The following PAK2 variants were observed in gnomAD, a reference collection of about 807,000 sequenced individuals.
PAK2 encodes serine/threonine-protein kinase PAK 2.
Under a neutral mutation model 65.9 loss-of-function variants are expected in PAK2, and 21 were observed. The ratio of observed to expected loss-of-function variants is 0.32; its 90% CI spans 0.23 to 0.46. The LOEUF (loss-of-function observed/expected upper bound fraction) is 0.46, where lower values mean the gene tolerates loss of function less well. PAK2 is among the 20% of genes least tolerant of loss of function. The pLI is 1.00. For synonymous variants in PAK2, 204 were observed against 219.7 expected (o/e 0.93, Z 0.63); for missense variants, 324 against 642.6 (o/e 0.50, Z 5.36).
In PAK2 at chr3:196,801,671, A is replaced by G. The variant is rs574691624; in HGVS notation, c.188-256A>G. ...AACATGATGAAACCCTGTCTCTACT[A>G]AAAATACAAAAATTAGCCGGGCATG... On this transcript the variant is annotated intron_variant, in intron 2 of 14. Coordinates refer to ENST00000327134, the MANE Select transcript of PAK2 (RefSeq NM_002577.4). 1.6e-4 allele frequency among the ~76,000 whole-genome samples: 24 copies of G among 151,984 alleles called. No homozygotes were observed. The East Asian group carries it at 2.9e-3, about 18-fold the overall frequency.
intron 1 of PAK2, among the ~76,000 whole-genome samples, chr3:196,743,874 T>TC (rs1713286282): frequency 6.6e-6 from 1 of 151,750 alleles, no homozygotes; most frequent in African/African-American, 2.4e-5. Context: ...AGAGTGAGAC[T>TC]CCGTCTCAAA....
chr3:196,818,231 A>G, intron 12 of PAK2, 75 bp downstream of exon 12: 1 of 668,936 alleles, frequency 1.5e-6, no homozygotes, highest in Middle Eastern at 2.5e-4. Flanking sequence ...ACTTTTCTTG[A>G]CCAATGCAAG....
rs377741026 is a variant in PAK2 at position 196,826,495 on chromosome 3, T to G, written c.1351-701T>G. On this transcript the variant is annotated intron_variant, in intron 13 of 14. Transcript: ENST00000327134. Reference sequence around the variant, plus strand: ...CCTTGGTTTTTTTTTGTTTTGTTTTTTGTTTTTTAAGTTTTAACAAATCTC... The same window carrying G: ...CCTTGGTTTTTTTTTGTTTTGTTTTGTGTTTTTTAAGTTTTAACAAATCTC... 3.3e-5 allele frequency among the ~76,000 whole-genome samples: 5 copies of G among 152,246 alleles called. No individual in the cohort carries two copies. The South Asian group carries it at 1.0e-3, about 32-fold the overall frequency.
Position 196,820,650 on chromosome 3 carries a change from A to G in PAK2, c.1350+83A>G. On this transcript the variant is annotated intron_variant, in intron 13 of 14. Transcript: ENST00000327134. This position sits in a 1 kb window ranked among gnomAD's most constrained non-coding sequence, Gnocchi z 4.6. Reference sequence around the variant, plus strand: ...AACTTGCACGTGCCTGGCACTGTCCAAGAATTTAAAGTAGAAGGTTGATAA... The same window carrying G: ...AACTTGCACGTGCCTGGCACTGTCCGAGAATTTAAAGTAGAAGGTTGATAA... 1 of 672,472 alleles carries G rather than the reference A, an allele frequency of 1.5e-6. No individual in the cohort carries two copies. Among genetic ancestry groups the G allele is most frequent in the Non-Finnish European group, 2.5e-6 (1 of 406,360 alleles). The allele number at this position is 672,472 out of a possible 1,614,324, so 41.7% of individuals were successfully genotyped here. A position where few individuals can be genotyped will look rare whatever the true frequency, so the allele number is the denominator to read the frequency against.
chr3:196,800,644 C>A (rs1484569752), intron 2 of PAK2, among the ~76,000 whole-genome samples: 1 of 152,120 alleles, frequency 6.6e-6, no homozygotes, highest in Non-Finnish European at 1.5e-5. Context: ...TAAAGGCAGA[C>A]AAACAGATAA....
At chr3:196,826,211 GC>G (rs1375494633) in intron 13 of PAK2, among the ~76,000 whole-genome samples, 1 of 150,708 alleles carries the variant, frequency 6.6e-6, no homozygotes, top group Admixed American at 6.6e-5. Flanking sequence ...TCGCTCTGTC[GC>G]CCAGGCTGGA....
At chr3:196,827,706 A>G (rs1415982313) in intron 14 of PAK2, among the ~76,000 whole-genome samples, 1 of 152,148 alleles carries the variant, frequency 6.6e-6, no homozygotes, top group Non-Finnish European at 1.5e-5. Context: ...TACATATGTA[A>G]CAAACCTGCA....
rs562940468 is a variant in PAK2 at position 196,831,641 on chromosome 3, A to T, written c.*3236A>T. 1 of 152,344 alleles carries T rather than the reference A, an allele frequency of 6.6e-6. No individual in the cohort carries two copies. The highest frequency in any genetic ancestry group is 1.5e-5 in the Non-Finnish European group (1 of 68,030). The allele number at this position is 152,344 out of a possible 1,614,324, so 9.4% of individuals were successfully genotyped here. Reference sequence around the variant, plus strand: ...CCTATGAGTATTTCTTTTAGGGCTCACTTAAATACATGTTTGTATATACTG... The same window carrying T: ...CCTATGAGTATTTCTTTTAGGGCTCTCTTAAATACATGTTTGTATATACTG... On this transcript the variant is annotated 3_prime_UTR_variant, in exon 15 of 15. Coordinates refer to ENST00000327134, the MANE Select transcript of PAK2 (RefSeq NM_002577.4).
intron 13 of PAK2, among the ~76,000 whole-genome samples, chr3:196,826,542 G>T (rs1038786777): frequency 3.3e-5 from 5 of 151,262 alleles, no homozygotes; most frequent in African/African-American, 1.2e-4. Flanking sequence ...TGATATGTAT[G>T]ACTTGAAAAA....
rs146583838 is a variant in PAK2 at position 196,813,598 on chromosome 3, A to G, written c.935+747A>G. Among the ~76,000 whole-genome samples, 615 of 152,292 alleles carry G rather than the reference A, an allele frequency of 4.0e-3. 3 individuals carry two copies. The highest frequency in any genetic ancestry group is 5.7e-3 in the Non-Finnish European group (388 of 68,026). On this transcript the variant is annotated intron_variant, in intron 10 of 14. Transcript: ENST00000327134. ...TCTTCCATATTTAAATTTGTTTAGA[A>G]TGAGGAAAAAATAATGTTTAGAGAC...
At position 196,794,880 on chromosome 3, in the gene PAK2, C is replaced by T. The variant is rs1715199689; in HGVS notation, c.188-7047C>T. On this transcript the variant is annotated intron_variant, in intron 2 of 14. Transcript: ENST00000327134. Reference sequence around the variant, plus strand: ...GGGCTGCACTCTGCTAGAACCCAGGCAAACCTGGGCTTATGGTGCCATTTA... The same window carrying T: ...GGGCTGCACTCTGCTAGAACCCAGGTAAACCTGGGCTTATGGTGCCATTTA... Among the ~76,000 whole-genome samples, 2 of 152,136 alleles carry T rather than the reference C, an allele frequency of 1.3e-5. 1 individual carries two copies. The highest frequency in any genetic ancestry group is 4.1e-4 in the South Asian group (2 of 4,820).
intron 8 of PAK2, among the ~76,000 whole-genome samples, chr3:196,811,443 A>G (rs1264642948): frequency 3.8e-5 from 4 of 104,572 alleles, no homozygotes; most frequent in African/African-American, 1.6e-4. Flanking sequence ...GTGCAGTGAC[A>G]TAATCTCAGC....
chr3:196,750,351 T>C (rs1577695365), intron 1 of PAK2, among the ~76,000 whole-genome samples: 1 of 152,130 alleles, frequency 6.6e-6, no homozygotes, highest in Admixed American at 6.6e-5. Flanking sequence ...CGCAGGCTGG[T>C]AGATACTTCT....
At chr3:196,740,890 C>G (rs925347215) in intron 1 of PAK2, among the ~76,000 whole-genome samples, 19 of 150,300 alleles carry the variant, frequency 1.3e-4, no homozygotes, top group African/African-American at 4.8e-4. Context: ...GCCACTCAAC[C>G]TTTTAACTAA....
chr3:196,745,672 G>C (rs1038741313), intron 1 of PAK2, among the ~76,000 whole-genome samples: 3 of 151,988 alleles, frequency 2.0e-5, no homozygotes, highest in Non-Finnish European at 1.5e-5. Context: ...AAATTAGCTG[G>C]GTGTGGTGGT....
intron 2 of PAK2, among the ~76,000 whole-genome samples, chr3:196,800,491 C>G (rs781373720): frequency 6.6e-6 from 1 of 152,120 alleles, no homozygotes; most frequent in Non-Finnish European, 1.5e-5. Flanking sequence ...AATTAATAAG[C>G]TTATTCTAAA....
At chr3:196,750,940 T>A (rs1713559734) in intron 1 of PAK2, among the ~76,000 whole-genome samples, 1 of 152,176 alleles carries the variant, frequency 6.6e-6, no homozygotes. Context: ...TGGCATTAAG[T>A]ACTCACGTTG....
chr3:196,784,416 C>G (rs1170664684), intron 2 of PAK2, among the ~76,000 whole-genome samples: 5 of 113,994 alleles, frequency 4.4e-5, no homozygotes, highest in African/African-American at 1.7e-4. Flanking sequence ...GTGATATTCC[C>G]CTTCCTGTGT....
intron 1 of PAK2, among the ~76,000 whole-genome samples, chr3:196,780,210 A>G (rs9852432): frequency 0.53 from 80,605 of 152,120 alleles, 21,726 homozygotes; most frequent in East Asian, 0.7. Context: ...TTTGCACACA[A>G]AGATAGAGAT....
Sources: allele counts gnomAD v4.1 joint callset (sites outside exome capture counted in the v4.1 genomes callset), GRCh38; gene constraint gnomAD v4.1.1; non-coding constraint Gnocchi (gnomAD v3.1); transcripts MANE v1.5; gene names NCBI Gene and HGNC (gene_info 2026-07-23, HGNC 2026-07-21).